ST6GALNAC1: variants seen among roughly 807,000 people sequenced by gnomAD.
The protein encoded by ST6GALNAC1 is ST6 N-acetylgalactosaminide alpha-2,6-sialyltransferase 1, also known as alpha-N-acetylgalactosaminide alpha-2,6-sialyltransferase 1.
A neutral mutation model predicts 56.8 loss-of-function variants in ST6GALNAC1; 45 were observed. The ratio of observed to expected loss-of-function variants is 0.79; its 90% CI spans 0.62 to 1.02. ST6GALNAC1 has a LOEUF of 1.02. Among genes scored for constraint, ST6GALNAC1 ranks in the 50% least tolerant of loss-of-function variants. The probability of loss-of-function intolerance (pLI) is 0.00; values close to 1 mark genes in which losing one functional copy is unlikely to be tolerated. For synonymous variants in ST6GALNAC1, 295 were observed against 297.8 expected, an observed-to-expected ratio of 0.99 and a Z score of 0.10; for missense variants, 743 against 754.8, an observed-to-expected ratio of 0.98 and a Z score of 0.18.
intron 1 of ST6GALNAC1, among the ~76,000 whole-genome samples, chr17:76,639,788 T>G (rs1291637240): frequency 3.5e-4 from 36 of 101,998 alleles, no homozygotes; most frequent in South Asian, 6.5e-4. Context: ...GGAGTGGGGG[T>G]GGGAGACGTG....
At chr17:76,636,590 A>G (rs1034930) in intron 1 of ST6GALNAC1, among the ~76,000 whole-genome samples, 151,092 of 152,294 alleles carry the variant, frequency 0.99, 74,959 homozygotes, top group Middle Eastern at 1. Context: ...GGATGGCAAA[A>G]CGAGACTCCG....
intron 1 of ST6GALNAC1, among the ~76,000 whole-genome samples, chr17:76,630,119 T>C (rs1192215787): frequency 6.6e-6 from 1 of 152,058 alleles, no homozygotes; most frequent in African/African-American, 2.4e-5. Flanking sequence ...GGAATAGAAT[T>C]TGAGATATGT....
rs202064484 is a variant in ST6GALNAC1 at position 76,625,854 on chromosome 17, G to A, written c.1570C>T (p.Leu524Phe). Reference sequence around the variant, plus strand: ...AGCTGAAGGGCAGTGAGCAGCAGGAGGGCCCCAGTGGTGGGGCGGTATATC... The same window carrying A: ...AGCTGAAGGGCAGTGAGCAGCAGGAAGGCCCCAGTGGTGGGGCGGTATATC... ...WRIYRPTTGALLLLTALQLCD... is the reference protein window; with the variant it reads ...WRIYRPTTGAFLLLTALQLCD... Residue 524 changes from leucine to phenylalanine, a missense_variant, in exon 8 of 9, where the codon CTC (leucine) becomes TTC (phenylalanine). Leu to Phe is a conservative substitution (Grantham distance 22, BLOSUM62 0). Transcript: ENST00000156626. The A allele has an allele frequency of 6.5e-7, 1 of 1,543,508 alleles. No homozygotes were observed. The highest frequency in any genetic ancestry group is 2.1e-5 in the Admixed American group (1 of 48,030).
chr17:76,620,338 C>A (rs1018189645), downstream of ST6GALNAC1, among the ~76,000 whole-genome samples: 2 of 152,016 alleles, frequency 1.3e-5, no homozygotes, highest in African/African-American at 4.8e-5. Context: ...CCGCACCCAG[C>A]CTTATTGTTA....
At chr17:76,639,499 C>A (rs765092607) in intron 1 of ST6GALNAC1, among the ~76,000 whole-genome samples, 13 of 152,152 alleles carry the variant, frequency 8.5e-5, no homozygotes, top group Non-Finnish European at 1.5e-4. Context: ...TCACTTGAAC[C>A]TGGGAGGTGA....
Position 76,627,980 on chromosome 17 carries a change from C to G in ST6GALNAC1, c.832-397G>C, listed in dbSNP as rs2075830495. Among the ~76,000 whole-genome samples, 1 of 151,802 alleles carries G rather than the reference C, an allele frequency of 6.6e-6. No individual in the cohort carries two copies. The highest frequency in any genetic ancestry group is 2.1e-4 in the South Asian group (1 of 4,820). On this transcript the variant is annotated intron_variant, in intron 2 of 8. Coordinates refer to ENST00000156626, the MANE Select transcript of ST6GALNAC1 (RefSeq NM_018414.5). The surrounding 1 kb of genome is among the most constrained non-coding windows in gnomAD (Gnocchi z 4.4). ...GGCGTGGTGGCGGGCGCCTGTAGTTCCAGCTACTCGGGAGGCTGAGGCAGG... is the reference window on the plus strand; with the variant it reads ...GGCGTGGTGGCGGGCGCCTGTAGTTGCAGCTACTCGGGAGGCTGAGGCAGG...
Position 76,629,667 on chromosome 17 carries a change from A to G in ST6GALNAC1, c.176T>C (p.Leu59Pro), listed in dbSNP as rs1253132235. ...GGGTGCCTGGGACTTAGGCTTTGCC[A>G]GGGACTGTAGAGACCTTTCTTTAAT... ...ENIKERSLQSLAKPKSQAPTR... is the reference protein window; with the variant it reads ...ENIKERSLQSPAKPKSQAPTR... The change falls in exon 2 of 9, where the codon CTG becomes CCG. Residue 59 changes from leucine to proline, a missense_variant. Transcript: ENST00000156626. The G allele has an allele frequency of 1.2e-6, 2 of 1,613,728 alleles. No homozygotes were observed. Among genetic ancestry groups the G allele is most frequent in the Admixed American group, 1.7e-5 (1 of 60,012 alleles).
At chr17:76,622,143 C>CG (rs1430572173), downstream of ST6GALNAC1, among the ~76,000 whole-genome samples, 2 of 150,234 alleles carry the variant, frequency 1.3e-5, no homozygotes, top group African/African-American at 4.9e-5. Context: ...TTTCACATGT[C>CG]TAAGAATCAT....
chr17:76,626,223 C>T, intron 6 of ST6GALNAC1, 66 bp downstream of exon 6: 1 of 1,577,372 alleles, frequency 6.3e-7, no homozygotes, highest in Non-Finnish European at 8.7e-7. Context: ...ACCTGTCCAA[C>T]CCTTTAGAGC....
chr17:76,621,122 A>G (rs8077313), downstream of ST6GALNAC1, among the ~76,000 whole-genome samples: 108,729 of 150,962 alleles, frequency 0.72, 39,722 homozygotes, highest in South Asian at 0.81. Flanking sequence ...TCCAAAGAAG[A>G]CAAAAGTGGA....
chr17:76,639,568 C>T (rs1164028447), intron 1 of ST6GALNAC1, among the ~76,000 whole-genome samples: 1 of 151,728 alleles, frequency 6.6e-6, no homozygotes, highest in African/African-American at 2.4e-5. Flanking sequence ...GACCCAGACT[C>T]CATCTCGAAA....
intron 5 of ST6GALNAC1, 78 bp from the exon 6 acceptor site, chr17:76,626,470 G>A (rs575990789): frequency 7.7e-5 from 117 of 1,524,138 alleles, no homozygotes; most frequent in Non-Finnish European, 9.5e-5. Flanking sequence ...CTCTGACTCC[G>A]ACTGCCCACT....
chr17:76,621,181 TCTTTC>T (rs796479810), downstream of ST6GALNAC1, among the ~76,000 whole-genome samples: 21 of 68,774 alleles, frequency 3.1e-4, no homozygotes, highest in South Asian at 8.3e-4. Flanking sequence ...TTTCTTTCTT[TCTTTC>T]TTTTTTTTTT....
Position 76,627,008 on chromosome 17 carries a change from G to T in ST6GALNAC1, c.1172+59C>A. On this transcript the variant is annotated intron_variant, in intron 4 of 8. Transcript: ENST00000156626. The surrounding 1 kb of genome is among the most constrained non-coding windows in gnomAD (Gnocchi z 4.4). Reference sequence around the variant, plus strand: ...GAAGAGGGGCAAGAGAGGGGCTGGAGGGGGGCTGGAGGGGGCAGGAGAGGG... The same window carrying T: ...GAAGAGGGGCAAGAGAGGGGCTGGATGGGGGCTGGAGGGGGCAGGAGAGGG... The T allele has an allele frequency of 6.6e-7, 1 of 1,506,712 alleles. No homozygotes were observed. The allele number at this position is 1,506,712 out of a possible 1,614,324, so 93.3% of individuals were successfully genotyped here.
downstream of ST6GALNAC1, among the ~76,000 whole-genome samples, chr17:76,620,937 G>C (rs115823316): frequency 4.7e-3 from 710 of 152,126 alleles, 9 homozygotes; most frequent in African/African-American, 0.017. Context: ...AAGTACTGTT[G>C]AATTAAATTT....
the ST6GALNAC1 span, among the ~76,000 whole-genome samples, chr17:76,619,399 C>G: frequency 3.9e-5 from 6 of 152,288 alleles, no homozygotes; most frequent in Non-Finnish European, 7.4e-5. Flanking sequence ...CCATAGAATT[C>G]TTTCTTTAGA....
chr17:76,625,766 A>C, intron 8 of ST6GALNAC1, 53 bp downstream of exon 8: 1 of 1,413,972 alleles, frequency 7.1e-7, no homozygotes, highest in Non-Finnish European at 9.5e-7. Flanking sequence ...AGGCCCAGGA[A>C]TAGCCCAGGA....
downstream of ST6GALNAC1, among the ~76,000 whole-genome samples, chr17:76,623,850 C>G (rs2075763451): frequency 6.6e-6 from 1 of 152,204 alleles, no homozygotes; most frequent in African/African-American, 2.4e-5. Context: ...TTTAGGTAGC[C>G]TGAGTTTAAA....
Position 76,625,853 on chromosome 17 carries a change from A to C in ST6GALNAC1, c.1571T>G (p.Leu524Arg). 1 of 1,543,602 alleles carries C rather than the reference A, an allele frequency of 6.5e-7. No homozygotes were observed. Among genetic ancestry groups the C allele is most frequent in the South Asian group, 1.3e-5 (1 of 79,052 alleles). Residue 524 changes from leucine (L) to arginine (R), a missense_variant, in exon 8 of 9, where the codon CTC becomes CGC. Leu to Arg is a moderately radical substitution (Grantham distance 102). Transcript: ENST00000156626. ...GAGCTGAAGGGCAGTGAGCAGCAGGAGGGCCCCAGTGGTGGGGCGGTATAT... is the reference window on the plus strand; with the variant it reads ...GAGCTGAAGGGCAGTGAGCAGCAGGCGGGCCCCAGTGGTGGGGCGGTATAT... ...WRIYRPTTGA[L>R]LLLTALQLCD...
Sources: allele counts gnomAD v4.1 joint callset (sites outside exome capture counted in the v4.1 genomes callset), GRCh38; gene constraint gnomAD v4.1.1; non-coding constraint Gnocchi (gnomAD v3.1); transcripts MANE v1.5; gene names NCBI Gene and HGNC (gene_info 2026-07-23, HGNC 2026-07-21).